Variants in LRP1B observed in about 807,000 individuals in gnomAD.
LRP1B encodes the protein LDL receptor related protein 1B.
LRP1B carries 217 observed loss-of-function variants against 556.6 expected under a neutral mutation model. The observed-to-expected ratio is 0.39, with a 90% confidence interval of 0.35 to 0.44. The LOEUF (loss-of-function observed/expected upper bound fraction) is 0.44, where lower values mean the gene tolerates loss of function less well. Among genes scored for constraint, LRP1B ranks in the 20% least tolerant of loss-of-function variants. LRP1B has a pLI of 1.00. For missense variants in LRP1B, 5,053 were observed against 5,620.8 expected (o/e 0.90, Z 3.23); for synonymous variants, 2,047 against 1,865.8 (o/e 1.10, Z -2.50).
At chr2:140,729,626 T>C (rs936288486) in intron 35 of LRP1B, among the ~76,000 whole-genome samples, 1 of 152,164 alleles carries the variant, frequency 6.6e-6, no homozygotes, top group Non-Finnish European at 1.5e-5. Flanking sequence ...GCCATGTGTA[T>C]TAAAGGAGAC....
Position 140,790,937 on chromosome 2 carries a change from CA to C in LRP1B, c.5360-14700del, listed in dbSNP as rs1423596848. ...GCAAAATAGCAAGACACTGTCTCTA[CA>C]AATTTTTTTTTTTTTTTTTTTAATT... On this transcript the variant is annotated intron_variant, in intron 32 of 90. Coordinates refer to ENST00000389484, the MANE Select transcript of LRP1B (RefSeq NM_018557.3). 1.0e-3 allele frequency among the ~76,000 whole-genome samples: 122 copies of C among 121,620 alleles called. 1 individual carries two copies. Among genetic ancestry groups the C allele is most frequent in the African/African-American group, 3.0e-3 (113 of 37,266 alleles). The allele number at this position is 121,620 out of a possible 152,430, so 79.8% of individuals were successfully genotyped here. A position where few individuals can be genotyped will look rare whatever the true frequency, so the allele number is the denominator to read the frequency against.
chr2:140,283,159 G>A (rs1682986764), intron 84 of LRP1B, among the ~76,000 whole-genome samples: 1 of 151,596 alleles, frequency 6.6e-6, no homozygotes, highest in Non-Finnish European at 1.5e-5. Flanking sequence ...TGTATACATT[G>A]TATACAATTT....
chr2:141,718,793 T>C (rs6739155), intron 2 of LRP1B, among the ~76,000 whole-genome samples: 3,618 of 152,256 alleles, frequency 0.024, 165 homozygotes, highest in African/African-American at 0.082. Context: ...GAAGAAATAT[T>C]TCACATCCTG....
At chr2:141,916,022 G>A (rs773898533) in intron 1 of LRP1B, among the ~76,000 whole-genome samples, 19 of 152,118 alleles carry the variant, frequency 1.2e-4, no homozygotes, top group Admixed American at 1.2e-3. Flanking sequence ...TCTTGGATAC[G>A]TGGCAAGAAC....
At chr2:141,045,260 G>C (rs1318589461) in intron 11 of LRP1B, among the ~76,000 whole-genome samples, 9 of 114,594 alleles carry the variant, frequency 7.9e-5, no homozygotes, top group South Asian at 7.0e-4. Context: ...TCACACTCTG[G>C]GGACTGTTGT....
chr2:141,980,628 G>A (rs989735348), intron 1 of LRP1B, among the ~76,000 whole-genome samples: 4 of 152,078 alleles, frequency 2.6e-5, no homozygotes, highest in Admixed American at 6.6e-5. Flanking sequence ...AACCAGATGA[G>A]AGTATAAGAC....
At chr2:140,251,469 C>A (rs1472188041) in intron 86 of LRP1B, among the ~76,000 whole-genome samples, 3 of 151,740 alleles carry the variant, frequency 2.0e-5, no homozygotes, top group Non-Finnish European at 4.4e-5. Flanking sequence ...TTTGGGAGGA[C>A]TTCAAAATAA....
chr2:141,673,822 G>A (rs1690770571), intron 2 of LRP1B, among the ~76,000 whole-genome samples: 1 of 151,886 alleles, frequency 6.6e-6, no homozygotes, highest in Admixed American at 6.6e-5. Context: ...ATTGTCCACT[G>A]CAATGATTTT....
chr2:141,631,321 G>T (rs1172315827), intron 2 of LRP1B, among the ~76,000 whole-genome samples: 2 of 152,020 alleles, frequency 1.3e-5, no homozygotes, highest in Non-Finnish European at 2.9e-5. Context: ...GGGAACTACA[G>T]TTCAAGATGA....
intron 49 of LRP1B, among the ~76,000 whole-genome samples, chr2:140,521,183 T>A (rs1055924331): frequency 1.3e-5 from 2 of 151,938 alleles, no homozygotes; most frequent in African/African-American, 4.8e-5. Context: ...ACAGACAGAT[T>A]CAAGATAGCC....
intron 2 of LRP1B, among the ~76,000 whole-genome samples, chr2:141,773,449 G>C (rs1208422503): frequency 6.6e-6 from 1 of 152,192 alleles, no homozygotes; most frequent in Non-Finnish European, 1.5e-5. Flanking sequence ...GAAAAGTCAA[G>C]AATCTTAAAG....
chr2:141,091,338 A>G (rs1190135350), intron 7 of LRP1B, among the ~76,000 whole-genome samples: 1 of 152,194 alleles, frequency 6.6e-6, no homozygotes, highest in Non-Finnish European at 1.5e-5. Flanking sequence ...GGTGTTAGGG[A>G]GACAAGAGGC....
chr2:141,200,966 T>C (rs1681989289), intron 6 of LRP1B, among the ~76,000 whole-genome samples: 1 of 152,230 alleles, frequency 6.6e-6, no homozygotes, highest in African/African-American at 2.4e-5. Context: ...TCTGAAGTCA[T>C]AGCTTTTTCA....
chr2:140,430,458 C>A (rs975916642), intron 66 of LRP1B, among the ~76,000 whole-genome samples: 1 of 152,178 alleles, frequency 6.6e-6, no homozygotes, highest in Non-Finnish European at 1.5e-5. Context: ...TGGAGTCATT[C>A]ACTGCAAAGG....
At chr2:141,292,545 C>T (rs574777768) in intron 3 of LRP1B, among the ~76,000 whole-genome samples, 270 of 152,204 alleles carry the variant, frequency 1.8e-3, no homozygotes, top group African/African-American at 6.1e-3. Context: ...ACAAATATAC[C>T]TCAGCCGGGT....
At chr2:141,437,786 A>G (rs1312436787) in intron 3 of LRP1B, among the ~76,000 whole-genome samples, 1 of 151,952 alleles carries the variant, frequency 6.6e-6, no homozygotes, top group East Asian at 1.9e-4. Flanking sequence ...GGGAGAAAAA[A>G]TAATATGCCC....
chr2:141,092,765 G>A (rs994253821), intron 7 of LRP1B, among the ~76,000 whole-genome samples: 1 of 152,142 alleles, frequency 6.6e-6, no homozygotes, highest in Non-Finnish European at 1.5e-5. Context: ...GAGAGAGAGT[G>A]ATCAACTGTG....
At chr2:141,745,458 C>A (rs1488902525) in intron 2 of LRP1B, among the ~76,000 whole-genome samples, 1 of 152,098 alleles carries the variant, frequency 6.6e-6, no homozygotes, top group Non-Finnish European at 1.5e-5. Flanking sequence ...CTATGGCCAC[C>A]ACCACCACAG....
intron 1 of LRP1B, among the ~76,000 whole-genome samples, chr2:141,862,781 C>T (rs768990210): frequency 3.3e-5 from 5 of 152,156 alleles, no homozygotes; most frequent in Non-Finnish European, 7.3e-5. Context: ...TTTGAACAAA[C>T]TCAGGTTAAT....
Sources: gnomAD v4.1 joint callset for allele counts (sites outside exome capture counted in the v4.1 genomes callset) on GRCh38, gnomAD v4.1.1 for gene constraint, MANE v1.5 for transcripts, NCBI Gene and HGNC (gene_info 2026-07-23, HGNC 2026-07-21) for gene names.